DPYD: variants seen among roughly 807,000 people sequenced by gnomAD.
DPYD encodes the protein dihydropyrimidine dehydrogenase [NADP(+)].
Under a neutral mutation model 116.2 loss-of-function variants are expected in DPYD, and 109 were observed. The ratio of observed to expected loss-of-function variants is 0.94; its 90% CI spans 0.80 to 1.10. DPYD has a LOEUF of 1.10. Ranked by LOEUF, DPYD falls within the 50% of genes least tolerant of loss-of-function variation. The pLI is 0.00. For synonymous variants in DPYD, 440 were observed against 432.0 expected, an observed-to-expected ratio of 1.02 and a Z score of -0.23; for missense variants, 1,302 against 1,254.5, an observed-to-expected ratio of 1.04 and a Z score of -0.57.
chr1:97,477,178 C>G (rs1678013462), intron 13 of DPYD, among the ~76,000 whole-genome samples: 1 of 152,172 alleles, frequency 6.6e-6, no homozygotes, highest in Non-Finnish European at 1.5e-5. Flanking sequence ...ATTTGGATAG[C>G]ATTTTACCCA....
intron 8 of DPYD, among the ~76,000 whole-genome samples, chr1:97,605,914 C>G (rs1352626205): frequency 6.6e-6 from 1 of 151,878 alleles, no homozygotes; most frequent in African/African-American, 2.4e-5. Context: ...ATATAAAACA[C>G]CATAAAAACA....
intron 3 of DPYD, among the ~76,000 whole-genome samples, chr1:97,773,864 C>G (rs1666266595): frequency 6.6e-6 from 1 of 152,124 alleles, no homozygotes; most frequent in Non-Finnish European, 1.5e-5. Flanking sequence ...CTTCCAAGCC[C>G]ACATGTGATC....
At chr1:97,400,822 A>C (rs915590853) in intron 14 of DPYD, among the ~76,000 whole-genome samples, 3 of 152,046 alleles carry the variant, frequency 2.0e-5, no homozygotes, top group Non-Finnish European at 4.4e-5. Flanking sequence ...TATTGTGTCT[A>C]TTTGATTCTT....
chr1:97,305,367 C>G lies in DPYD; in HGVS notation c.2191G>C (p.Gly731Arg), dbSNP rs1214674904. Residue 731 changes from glycine (G) to arginine (R), a missense_variant, in exon 18 of 23, where the codon GGC becomes CGC. Gly to Arg is a moderately radical substitution (Grantham distance 125). Transcript: ENST00000370192. ...ARAAKEGGAN[G>R]VTATNTVSGL... ...GAGACAGTGTTGGTGGCTGTAACGC[C>G]ATTGGCACCACCTATGCAAGACACA... 1 of 1,612,280 alleles carries G rather than the reference C, an allele frequency of 6.2e-7. No individual in the cohort carries two copies. The highest frequency in any genetic ancestry group is 1.1e-5 in the South Asian group (1 of 91,050).
intron 18 of DPYD, among the ~76,000 whole-genome samples, chr1:97,290,483 C>A (rs1666064351): frequency 1.3e-5 from 2 of 151,968 alleles, no homozygotes; most frequent in African/African-American, 4.8e-5. Context: ...GGTACCAAAA[C>A]AGAGATATAG....
chr1:97,518,238 T>A (rs1033049897), intron 12 of DPYD, among the ~76,000 whole-genome samples: 5 of 151,998 alleles, frequency 3.3e-5, no homozygotes, highest in African/African-American at 4.8e-5. Context: ...TACAGCTTCT[T>A]ATATATTTTT....
intron 20 of DPYD, among the ~76,000 whole-genome samples, chr1:97,113,687 T>C (rs1056290742): frequency 1.3e-5 from 2 of 152,146 alleles, no homozygotes; most frequent in Non-Finnish European, 2.9e-5. Flanking sequence ...GTGAATAATT[T>C]TACCTTCATT....
intron 11 of DPYD, among the ~76,000 whole-genome samples, chr1:97,550,890 A>G (rs1651268234): frequency 1.3e-5 from 2 of 152,208 alleles, no homozygotes; most frequent in Non-Finnish European, 2.9e-5. Flanking sequence ...AGAGGAAAAA[A>G]ATAGAAATAA....
intron 16 of DPYD, among the ~76,000 whole-genome samples, chr1:97,308,688 A>C (rs919007342): frequency 6.6e-6 from 1 of 151,846 alleles, no homozygotes; most frequent in Non-Finnish European, 1.5e-5. Flanking sequence ...TCTAAAAGCA[A>C]TTAGTAGTGT....
At chr1:97,591,901 A>T (rs577555725) in intron 10 of DPYD, among the ~76,000 whole-genome samples, 2 of 152,136 alleles carry the variant, frequency 1.3e-5, no homozygotes, top group South Asian at 2.1e-4. Flanking sequence ...AGGAAAAAAA[A>T]AAAAGAAACC....
At chr1:97,717,188 A>G (rs1662662307) in intron 5 of DPYD, among the ~76,000 whole-genome samples, 1 of 152,140 alleles carries the variant, frequency 6.6e-6, no homozygotes, top group East Asian at 1.9e-4. Flanking sequence ...TTAATTATTT[A>G]TTGTATATTT....
intron 16 of DPYD, among the ~76,000 whole-genome samples, chr1:97,356,477 A>G (rs1670434924): frequency 6.6e-6 from 1 of 152,182 alleles, no homozygotes; most frequent in African/African-American, 2.4e-5. Context: ...GCCTGTGATC[A>G]GGTAGCAATA....
At chr1:97,902,719 A>G (rs1673426216) in intron 1 of DPYD, among the ~76,000 whole-genome samples, 1 of 151,876 alleles carries the variant, frequency 6.6e-6, no homozygotes, top group African/African-American at 2.4e-5. Context: ...TCAAATTAGT[A>G]ACATTCAGAT....
At chr1:97,691,321 A>G (rs1310991952) in intron 7 of DPYD, 2 of 177,186 alleles carry the variant, frequency 1.1e-5, no homozygotes, top group East Asian at 2.9e-4. Flanking sequence ...AATATAACAA[A>G]TAAAATAAAT....
At chr1:97,794,628 C>A (rs1667477387) in intron 3 of DPYD, among the ~76,000 whole-genome samples, 1 of 152,078 alleles carries the variant, frequency 6.6e-6, no homozygotes, top group African/African-American at 2.4e-5. Flanking sequence ...GACTTACTAC[C>A]ATTGATATCA....
At chr1:97,846,342 T>C (rs1670302154) in intron 2 of DPYD, among the ~76,000 whole-genome samples, 1 of 152,122 alleles carries the variant, frequency 6.6e-6, no homozygotes, top group South Asian at 2.1e-4. Context: ...ATCTAATAAA[T>C]AAACTGTTTT....
At chr1:97,272,462 T>TAAG (rs1424410815) in intron 18 of DPYD, among the ~76,000 whole-genome samples, 1 of 152,190 alleles carries the variant, frequency 6.6e-6, no homozygotes, top group African/African-American at 2.4e-5. Flanking sequence ...GAGATCATTA[T>TAAG]AACTAGTTTT....
chr1:97,719,352 A>G (rs12726496), intron 5 of DPYD, among the ~76,000 whole-genome samples: 1 of 151,884 alleles, frequency 6.6e-6, no homozygotes, highest in Non-Finnish European at 1.5e-5. Context: ...AAAATCACTT[A>G]TAAGTCACAG....
chr1:97,270,276 C>T (rs959325610), intron 18 of DPYD, among the ~76,000 whole-genome samples: 2 of 152,142 alleles, frequency 1.3e-5, no homozygotes, highest in Non-Finnish European at 2.9e-5. Context: ...GGTCATCTTG[C>T]GGTTGAGAGG....
Sources: allele counts gnomAD v4.1 joint callset (sites outside exome capture counted in the v4.1 genomes callset), GRCh38; gene constraint gnomAD v4.1.1; transcripts MANE v1.5; gene names NCBI Gene and HGNC (gene_info 2026-07-23, HGNC 2026-07-21).